The following PDS5A variants were observed in gnomAD, a reference collection of about 807,000 sequenced individuals.
The protein encoded by PDS5A is sister chromatid cohesion protein PDS5 homolog A.
PDS5A carries 42 observed loss-of-function variants against 167.1 expected under a neutral mutation model. The observed-to-expected ratio is 0.25, with a 90% CI of 0.20 to 0.33. The LOEUF (loss-of-function observed/expected upper bound fraction) is 0.33, where lower values mean the gene tolerates loss of function less well. Among genes scored for constraint, PDS5A ranks in the 10% least tolerant of loss-of-function variants. The pLI is 1.00. For synonymous variants in PDS5A, 553 were observed against 554.6 expected, an observed-to-expected ratio of 1.00 and a Z score of 0.04; for missense variants, 1,033 against 1,605.9, an observed-to-expected ratio of 0.64 and a Z score of 6.10.
At chr4:39,890,147 T>C (rs759067105) in intron 17 of PDS5A, 102 bp downstream of exon 17, 1 of 629,692 alleles carries the variant, frequency 1.6e-6, no homozygotes, top group South Asian at 2.1e-5. Flanking sequence ...AAAAGAGACA[T>C]ACAGAGGTTT....
chr4:39,923,694 C>T lies in PDS5A; in HGVS notation c.528-946G>A, dbSNP rs370185959. 3.8e-4 allele frequency among the ~76,000 whole-genome samples: 57 copies of T among 149,680 alleles called. No individual in the cohort carries two copies. The South Asian group carries it at 0.012, about 32-fold the overall frequency. The stretch of plus-strand genomic sequence containing the variant: ...ACACGCATCCACTTCAAGGAAAGAA[C>T]ACTTCTGCTTACATGCCCCAGATTT... On this transcript the variant is annotated intron_variant, in intron 5 of 32. Transcript: ENST00000303538.
At chr4:39,976,329 G>C in intron 2 of PDS5A, 111 bp downstream of exon 2, 1 of 762,970 alleles carries the variant, frequency 1.3e-6, no homozygotes, top group Non-Finnish European at 2.2e-6. Context: ...TTTCAGAGGG[G>C]GTAAGAGATC....
rs1560468053 is a variant in PDS5A at position 39,902,469 on chromosome 4, TAAC to T, written c.1386-12_1386-10del. 3.0e-6 allele frequency: 4 copies of T among 1,344,424 alleles called. No homozygotes were observed. The highest frequency in any genetic ancestry group is 4.7e-5 in the East Asian group (2 of 42,344). 83.3% of individuals were successfully genotyped at this position (1,344,424 alleles called of 1,614,324 possible). A position where few individuals can be genotyped will look rare whatever the true frequency, so the allele number is the denominator to read the frequency against. On this transcript the variant is annotated splice_polypyrimidine_tract_variant and intron_variant, in intron 12 of 32. Coordinates refer to ENST00000303538, the MANE Select transcript of PDS5A (RefSeq NM_001100399.2). Reference sequence around the variant, plus strand: ...TTTTCTCTACCAACAGTCTAGGAAATAACAACAACAAAAAAAACCTAAGTGACA... The same window carrying T: ...TTTTCTCTACCAACAGTCTAGGAAATAACAACAAAAAAAACCTAAGTGACA...
At chr4:39,950,681 G>C (rs1326305260) in intron 2 of PDS5A, among the ~76,000 whole-genome samples, 2 of 152,100 alleles carry the variant, frequency 1.3e-5, no homozygotes, top group Non-Finnish European at 2.9e-5. Context: ...ACCAGGTCAT[G>C]GGTTCAAAAG....
Position 39,892,928 on chromosome 4 carries a change from C to T in PDS5A, c.1771-2564G>A, listed in dbSNP as rs532795842. ...AAACCCTGTAGGCAGTGCAGGGGGG[C>T]CCTGCATTAGGCCACATATAAAATT... On this transcript the variant is annotated intron_variant, in intron 16 of 32. Coordinates refer to ENST00000303538, the MANE Select transcript of PDS5A (RefSeq NM_001100399.2). Among the ~76,000 whole-genome samples, 18 of 152,218 alleles carry T rather than the reference C, an allele frequency of 1.2e-4. No individual in the cohort carries two copies. The East Asian group carries it at 3.3e-3, about 28-fold the overall frequency.
intron 16 of PDS5A, among the ~76,000 whole-genome samples, chr4:39,891,935 CCT>C (rs1722007577): frequency 6.6e-6 from 1 of 150,734 alleles, no homozygotes; most frequent in Non-Finnish European, 1.5e-5. Flanking sequence ...ATGGCAAAAC[CCT>C]GTTTCTACCA....
chr4:39,965,997 C>T (rs867690051), intron 2 of PDS5A, among the ~76,000 whole-genome samples: 2 of 152,084 alleles, frequency 1.3e-5, no homozygotes, highest in South Asian at 2.1e-4. Flanking sequence ...AAGTTTGTTA[C>T]ACAGCAACAG....
chr4:39,863,310 T>C (rs1400965796), intron 24 of PDS5A, 26 bp downstream of exon 24: 1 of 1,535,236 alleles, frequency 6.5e-7, no homozygotes. Context: ...AGATAAGTAA[T>C]TGACAAAAAT....
At chr4:39,911,835 T>TAAAAAAA (rs35068853) in intron 9 of PDS5A, among the ~76,000 whole-genome samples, 1 of 125,288 alleles carries the variant, frequency 8.0e-6, no homozygotes. Flanking sequence ...CCGTCTCAAT[T>TAAAAAAA]AAAAAAAAAA....
At chr4:39,964,948 A>T (rs1486343385) in intron 2 of PDS5A, among the ~76,000 whole-genome samples, 1 of 151,390 alleles carries the variant, frequency 6.6e-6, no homozygotes, top group African/African-American at 2.4e-5. Flanking sequence ...CTCAAAAAAT[A>T]ATAATAATAA....
At chr4:39,837,822 A>C in intron 32 of PDS5A, 34 bp downstream of exon 32, 2 of 1,499,866 alleles carry the variant, frequency 1.3e-6, no homozygotes, top group Non-Finnish European at 1.8e-6. Context: ...CAAAATGTCT[A>C]AATTCCCACT....
intron 2 of PDS5A, chr4:39,973,828 C>T (rs1730803538): frequency 9.0e-7 from 1 of 1,114,474 alleles, no homozygotes; most frequent in African/African-American, 1.5e-5. Flanking sequence ...TCCACAGACT[C>T]AGAACCGTGC....
chr4:39,893,162 G>A (rs931383198), intron 16 of PDS5A, among the ~76,000 whole-genome samples: 3 of 152,146 alleles, frequency 2.0e-5, no homozygotes, highest in African/African-American at 7.2e-5. Flanking sequence ...TCATGGGGAG[G>A]GGGGCAATGG....
intron 16 of PDS5A, 135 bp downstream of exon 16, chr4:39,898,254 G>A: frequency 7.5e-7 from 1 of 1,327,212 alleles, no homozygotes; most frequent in East Asian, 2.9e-5. Flanking sequence ...CTTGACAATA[G>A]ATATACTCCA....
At chr4:39,833,003 A>T (rs1236918321) in intron 32 of PDS5A, among the ~76,000 whole-genome samples, 1 of 150,150 alleles carries the variant, frequency 6.7e-6, no homozygotes, top group African/African-American at 2.5e-5. Context: ...TAAAAAAAAG[A>T]AAAAAATAAT....
intron 2 of PDS5A, among the ~76,000 whole-genome samples, chr4:39,930,246 A>AAAAAAAAAAAAAAAT: frequency 2.9e-4 from 27 of 93,148 alleles, no homozygotes; most frequent in Non-Finnish European, 4.9e-4. Context: ...AAAAAAAAAA[A>AAAAAAAAAAAAAAAT]GTTTTTTTGT....
At chr4:39,956,786 C>T (rs1454824398) in intron 2 of PDS5A, among the ~76,000 whole-genome samples, 1 of 151,900 alleles carries the variant, frequency 6.6e-6, no homozygotes, top group Non-Finnish European at 1.5e-5. Context: ...AATCCTCCTG[C>T]CTCAGCCTCC....
rs567722890 is a variant in PDS5A, at chr4:39,842,696, G to C, written c.3549-640C>G. Reference sequence around the variant, plus strand: ...ACGGATATCCTAATTACCCTGATTTGATCACTATACATGCTATGCATATAC... The same window carrying C: ...ACGGATATCCTAATTACCCTGATTTCATCACTATACATGCTATGCATATAC... On this transcript the variant is annotated intron_variant, in intron 30 of 32. Coordinates refer to ENST00000303538, the MANE Select transcript of PDS5A (RefSeq NM_001100399.2). Among the ~76,000 whole-genome samples the C allele has an allele frequency of 2.3e-3, 352 of 151,486 alleles. 1 individual carries two copies. Among genetic ancestry groups the C allele is most frequent in the Middle Eastern group, 0.02 (6 of 294 alleles).
At chr4:39,955,132 C>A (rs138585318) in intron 2 of PDS5A, among the ~76,000 whole-genome samples, 1 of 152,052 alleles carries the variant, frequency 6.6e-6, no homozygotes, top group Non-Finnish European at 1.5e-5. Context: ...CCTGGCCAAA[C>A]AAGAAAAGCC....
Sources: gnomAD v4.1 joint callset for allele counts (sites outside exome capture counted in the v4.1 genomes callset) on GRCh38, gnomAD v4.1.1 for gene constraint, MANE v1.5 for transcripts, NCBI Gene and HGNC (gene_info 2026-07-23, HGNC 2026-07-21) for gene names.